SYCP2: variants seen among roughly 807,000 people sequenced by gnomAD.
The protein encoded by SYCP2 is synaptonemal complex lateral element protein.
Under a neutral mutation model 211.3 loss-of-function variants are expected in SYCP2, and 55 were observed. The ratio of observed to expected loss-of-function variants is 0.26; its 90% CI spans 0.21 to 0.33. SYCP2 has a LOEUF of 0.33. Ranked by LOEUF, SYCP2 falls within the 10% of genes least tolerant of loss-of-function variation. SYCP2 has a pLI of 1.00. For missense variants in SYCP2, 1,731 were observed against 1,752.0 expected (o/e 0.99, Z 0.21); for synonymous variants, 570 against 555.2 (o/e 1.03, Z -0.37).
chr20:59,895,462 C>G lies in SYCP2; in HGVS notation c.1640G>C (p.Arg547Thr), dbSNP rs2059990584. ...ASLKSRSSEG[R>T]HRRDNIDKHI... Reference sequence around the variant, plus strand: ...TTTGTCTATATTATCTCTTCTATGTCTTCCTTCTGATGATCTAGATTTCAG... The same window carrying G: ...TTTGTCTATATTATCTCTTCTATGTGTTCCTTCTGATGATCTAGATTTCAG... Residue 547 changes from arginine (R) to threonine (T), a missense_variant, in exon 20 of 45, where the codon AGA becomes ACA. By Grantham distance (71) the Arg-to-Thr change is moderately conservative. Transcript: ENST00000357552. 1.9e-6 allele frequency: 3 copies of G among 1,610,992 alleles called. No homozygotes were observed. The highest frequency in any genetic ancestry group is 2.7e-5 in the African/African-American group (2 of 74,810).
Position 59,892,016 on chromosome 20 carries a change from A to G in SYCP2, c.2338T>C (p.Ser780Pro). 1 of 1,595,080 alleles carries G rather than the reference A, an allele frequency of 6.3e-7. No individual in the cohort carries two copies. Among genetic ancestry groups the G allele is most frequent in the Non-Finnish European group, 8.5e-7 (1 of 1,173,736 alleles). ...AEKELTSELNSWDSKQKKMRE... is the reference protein window; with the variant it reads ...AEKELTSELNPWDSKQKKMRE... Reference sequence around the variant, plus strand: ...ATTTTTTTTTGTTTCGAATCCCAGGAATTAAGCTCAGAAGTCAATTCTTTC... The same window carrying G: ...ATTTTTTTTTGTTTCGAATCCCAGGGATTAAGCTCAGAAGTCAATTCTTTC... Residue 780 changes from serine (S) to proline (P), a missense_variant, in exon 24 of 45, where the codon TCC becomes CCC. Ser to Pro is a moderately conservative substitution (Grantham distance 74, BLOSUM62 -1). Transcript: ENST00000357552.
intron 24 of SYCP2, among the ~76,000 whole-genome samples, chr20:59,891,642 GA>G (rs561072337): frequency 8.7e-5 from 13 of 148,976 alleles, no homozygotes; most frequent in African/African-American, 1.7e-4. Context: ...GTCAAAGAGA[GA>G]AAAAAAAACC....
rs6027198 is a variant in SYCP2, at chr20:59,915,871, G to A, written c.514-321C>T. On this transcript the variant is annotated intron_variant, in intron 8 of 44. Coordinates refer to ENST00000357552, the MANE Select transcript of SYCP2 (RefSeq NM_014258.4). ...TAGCTGGGCATGGTAACACGTGCCT[G>A]TAATCCCAGCTACTCGGAAGGGAGG... Among the ~76,000 whole-genome samples the A allele has an allele frequency of 9.2e-3, 1,395 of 152,200 alleles. 22 individuals carry two copies. Among genetic ancestry groups the A allele is most frequent in the African/African-American group, 0.032 (1,333 of 41,518 alleles).
chr20:59,895,676 G>T (rs1284034029), intron 19 of SYCP2, 79 bp from the exon 20 acceptor site: 2 of 1,504,572 alleles, frequency 1.3e-6, no homozygotes, highest in Admixed American at 1.9e-5. Flanking sequence ...AATGAGAAAG[G>T]TAAGAAACGA....
At chr20:59,885,639 TACACACACACAC>T (rs555963029) in intron 26 of SYCP2, among the ~76,000 whole-genome samples, 1 of 150,968 alleles carries the variant, frequency 6.6e-6, no homozygotes. Context: ...ATTAAAAAAA[TACACACACACAC>T]ACACGCGCGC....
At chr20:59,899,053 T>A (rs2060066536) in intron 18 of SYCP2, among the ~76,000 whole-genome samples, 1 of 152,130 alleles carries the variant, frequency 6.6e-6, no homozygotes, top group Admixed American at 6.6e-5. Context: ...AAGATACTGA[T>A]ATTTAAGGAA....
intron 29 of SYCP2, among the ~76,000 whole-genome samples, 191 bp from the exon 30 acceptor site, chr20:59,881,214 AG>A (rs2059672854): frequency 6.6e-6 from 1 of 151,776 alleles, no homozygotes; most frequent in South Asian, 2.1e-4. Flanking sequence ...AGAACTACTA[AG>A]TCTTTTTAGC....
In SYCP2 at chr20:59,867,673, ATTATTGGGTATAAATCATAAT is replaced by A; in HGVS notation, c.4125+17_4125+37del. 6.5e-7 allele frequency: 1 copy of A among 1,535,240 alleles called. No homozygotes were observed. The highest frequency in any genetic ancestry group is 9.0e-7 in the Non-Finnish European group (1 of 1,114,534). On this transcript the variant is annotated intron_variant, in intron 39 of 44. Transcript: ENST00000357552. ...AGTAGAAAGTGTGGCATATTATTAT[ATTATTGGGTATAAATCATAAT>A]TTAAAGAATAACTCACATTATTCCT...
chr20:59,916,396 T>C (rs1253659790), intron 8 of SYCP2, 90 bp downstream of exon 8: 1 of 725,144 alleles, frequency 1.4e-6, no homozygotes, highest in Non-Finnish European at 2.4e-6. Flanking sequence ...AGTAATTTTG[T>C]CCTACATGAA....
Position 59,885,660 on chromosome 20 carries a change from G to A in SYCP2, c.2529+268C>T, listed in dbSNP as rs150544380. 5.5e-3 allele frequency among the ~76,000 whole-genome samples: 807 copies of A among 146,282 alleles called. 4 individuals are homozygous for A. The highest frequency in any genetic ancestry group is 0.018 in the African/African-American group (736 of 41,090). ...AAAATACACACACACACACACGCGC[G>A]CACGCGCGATAAGGATATACTGAAT... On this transcript the variant is annotated intron_variant, in intron 26 of 44. Coordinates refer to ENST00000357552, the MANE Select transcript of SYCP2 (RefSeq NM_014258.4).
At chr20:59,881,131 A>T in intron 29 of SYCP2, 108 bp from the exon 30 acceptor site, 1 of 620,756 alleles carries the variant, frequency 1.6e-6, no homozygotes, top group South Asian at 2.5e-5. Flanking sequence ...CTTTTTCACT[A>T]ATTAGCTATA....
chr20:59,919,229 C>T (rs767773016), intron 6 of SYCP2, 47 bp from the exon 7 acceptor site: 1 of 926,810 alleles, frequency 1.1e-6, no homozygotes, highest in Non-Finnish European at 1.7e-6. Context: ...CTATATATTA[C>T]AAACCATTAC....
intron 15 of SYCP2, among the ~76,000 whole-genome samples, chr20:59,906,018 A>C (rs1291119975): frequency 6.6e-5 from 10 of 152,162 alleles, no homozygotes. Flanking sequence ...AATACTTGGG[A>C]ACAAATTCAT....
chr20:59,896,458 A>G lies in SYCP2; in HGVS notation c.1475T>C (p.Met492Thr). 1.2e-6 allele frequency: 2 copies of G among 1,604,774 alleles called. No individual in the cohort carries two copies. The highest frequency in any genetic ancestry group is 2.7e-5 in the African/African-American group (2 of 74,830). Residue 492 changes from methionine (M) to threonine (T), a missense_variant, in exon 19 of 45, where the codon ATG becomes ACG. Physicochemically the swap from Met to Thr is moderately conservative, Grantham distance 81 (BLOSUM62 -1). Coordinates refer to ENST00000357552, the MANE Select transcript of SYCP2 (RefSeq NM_014258.4). ...MIVSGADRYT[M>T]RSPVLFSNTS... is the part of the protein sequence containing the mutation. ...GTTGCTGAAAAGCACTGGACTTCTC[A>G]TAGTGTATCTATCTGCACCAGAAAC...
rs1408125686 is a variant in SYCP2, at chr20:59,875,364, A to G, written c.3256T>C (p.Ser1086Pro). The change falls in exon 34 of 45, where the codon TCA (serine) becomes CCA (proline). Residue 1086 changes from serine to proline, a missense_variant. Transcript: ENST00000357552. ...EKELSKQWKN[S>P]SLLKDAIRDN... is the part of the protein sequence containing the mutation. Reference sequence around the variant, plus strand: ...CGTATAGCATCTTTTAGTAGAGATGAGTTTTTCCATTGTTTTGATAGTTCC... The same window carrying G: ...CGTATAGCATCTTTTAGTAGAGATGGGTTTTTCCATTGTTTTGATAGTTCC... 2 of 1,612,338 alleles carry G rather than the reference A, an allele frequency of 1.2e-6. No individual in the cohort carries two copies. The highest frequency in any genetic ancestry group is 1.1e-5 in the South Asian group (1 of 91,012).
chr20:59,887,266 C>A (rs2059809551), intron 24 of SYCP2, among the ~76,000 whole-genome samples: 1 of 151,280 alleles, frequency 6.6e-6, no homozygotes, highest in African/African-American at 2.4e-5. Flanking sequence ...TTTGTCCTTG[C>A]AATAGTTTGC....
At chr20:59,868,956 T>A (rs765331891) in intron 36 of SYCP2, 31 bp from the exon 37 acceptor site, 160 of 1,504,580 alleles carry the variant, frequency 1.1e-4, no homozygotes, top group Non-Finnish European at 1.3e-4. Context: ...TAGAAAAAAA[T>A]TCCGTAAATA....
At chr20:59,916,433 A>G (rs939018535) in intron 8 of SYCP2, 53 bp downstream of exon 8, 8 of 1,058,336 alleles carry the variant, frequency 7.6e-6, no homozygotes, top group Non-Finnish European at 1.2e-5. Context: ...ATTGCTATTG[A>G]TTTTCTTCAC....
In SYCP2 at chr20:59,886,723, CCTT is replaced by C; in HGVS notation, c.2473_2475del (p.Lys825del). On this transcript the variant is annotated inframe_deletion, in exon 25 of 45. Coordinates refer to ENST00000357552, the MANE Select transcript of SYCP2 (RefSeq NM_014258.4). ...AGAACATACCTGTTAATCAAAGACT[CCTT>C]TAATTTTCTTGTAGACTTGATGTCA... 1 of 1,563,716 alleles carries C rather than the reference CCTT, an allele frequency of 6.4e-7. No individual in the cohort carries two copies. Among genetic ancestry groups the C allele is most frequent in the Non-Finnish European group, 8.6e-7 (1 of 1,159,140 alleles).
Sources: allele counts gnomAD v4.1 joint callset (sites outside exome capture counted in the v4.1 genomes callset), GRCh38; gene constraint gnomAD v4.1.1; transcripts MANE v1.5; gene names NCBI Gene and HGNC (gene_info 2026-07-23, HGNC 2026-07-21).